Variants in AOX1 observed in about 807,000 individuals in gnomAD.
The protein encoded by AOX1 is aldehyde oxidase.
Under a neutral mutation model 169.5 loss-of-function variants are expected in AOX1, and 153 were observed. The ratio of observed to expected loss-of-function variants is 0.90; its 90% CI spans 0.79 to 1.03. AOX1 has a LOEUF of 1.03. AOX1 is among the 50% of genes least tolerant of loss of function. The probability of loss-of-function intolerance (pLI) is 0.00; values close to 1 mark genes in which losing one functional copy is unlikely to be tolerated. For synonymous variants in AOX1, 562 were observed against 581.9 expected (o/e 0.97, Z 0.49); for missense variants, 1,656 against 1,663.9 (o/e 1.00, Z 0.08).
At position 200,632,176 on chromosome 2, in the gene AOX1, C is replaced by G. The variant is rs535471203; in HGVS notation, c.2222-2615C>G. Among the ~76,000 whole-genome samples, 4 of 151,816 alleles carry G rather than the reference C, an allele frequency of 2.6e-5. No homozygotes were observed. The South Asian group carries it at 8.3e-4, about 32-fold the overall frequency. Reference sequence around the variant, plus strand: ...GTTCCCTCTGCTTTTTATTCTTTTCCCCACCTTCCTGTGGGTTGCCTGAAT... The same window carrying G: ...GTTCCCTCTGCTTTTTATTCTTTTCGCCACCTTCCTGTGGGTTGCCTGAAT... On this transcript the variant is annotated intron_variant, in intron 20 of 34. Transcript: ENST00000374700.
chr2:200,630,433 G>A (rs1438538547), intron 20 of AOX1, among the ~76,000 whole-genome samples: 1 of 151,814 alleles, frequency 6.6e-6, no homozygotes, highest in Non-Finnish European at 1.5e-5. Flanking sequence ...TGAGGCACCA[G>A]AATGGCTTGA....
chr2:200,613,987 TA>T, intron 15 of AOX1, 21 bp downstream of exon 15: 1 of 1,609,544 alleles, frequency 6.2e-7, no homozygotes, highest in South Asian at 1.1e-5. Context: ...GTTTACACAT[TA>T]ACTTCCCCAG....
downstream of AOX1, among the ~76,000 whole-genome samples, chr2:200,679,069 T>C (rs1382488083): frequency 1.3e-5 from 2 of 152,130 alleles, no homozygotes; most frequent in Non-Finnish European, 2.9e-5. Flanking sequence ...TTTAACAAGA[T>C]AGTTTGGAAA....
chr2:200,651,860 AACTT>A (rs562556335), intron 26 of AOX1, among the ~76,000 whole-genome samples: 40 of 152,300 alleles, frequency 2.6e-4, no homozygotes, highest in African/African-American at 8.4e-4. Flanking sequence ...GAATGAATAA[AACTT>A]ACCCCTAACG....
intron 25 of AOX1, among the ~76,000 whole-genome samples, chr2:200,644,245 G>A (rs1319863161): frequency 6.6e-6 from 1 of 152,156 alleles, no homozygotes; most frequent in Non-Finnish European, 1.5e-5. Context: ...TTTGTATAAG[G>A]TCAGAGATGA....
Position 200,671,163 on chromosome 2 carries a change from A to T in AOX1, c.*484A>T. On this transcript the variant is annotated 3_prime_UTR_variant, in exon 35 of 35. Transcript: ENST00000374700. Reference sequence around the variant, plus strand: ...ACACTGTATCTAAGTGGGACCAAAGAAAAAATAGCGAACTTTCACCAAAGT... The same window carrying T: ...ACACTGTATCTAAGTGGGACCAAAGTAAAAATAGCGAACTTTCACCAAAGT... 6.6e-6 allele frequency: 1 copy of T among 152,670 alleles called. No homozygotes were observed. Among genetic ancestry groups the T allele is most frequent in the Non-Finnish European group, 1.5e-5 (1 of 68,260 alleles). The allele number at this position is 152,670 out of a possible 1,614,324, so 9.5% of individuals were successfully genotyped here. A position where few individuals can be genotyped will look rare whatever the true frequency, so the allele number is the denominator to read the frequency against.
At chr2:200,669,461 A>AAAC in intron 33 of AOX1, 114 bp from the exon 34 acceptor site, 1 of 1,230,276 alleles carries the variant, frequency 8.1e-7, no homozygotes, top group Non-Finnish European at 1.1e-6. Flanking sequence ...AAAAAAAAAA[A>AAAC]AATGTACATA....
intron 9 of AOX1, 28 bp from the exon 10 acceptor site, chr2:200,605,508 T>C (rs866607614): frequency 9.0e-7 from 1 of 1,110,638 alleles, no homozygotes; most frequent in Middle Eastern, 2.4e-4. Context: ...CTAGTCTTAT[T>C]GATTTTTTTT....
rs13423540 is a variant in AOX1, at chr2:200,615,300, C to T, written c.1612-671C>T. 9.7e-3 allele frequency among the ~76,000 whole-genome samples: 1,477 copies of T among 152,310 alleles called. 31 individuals are homozygous for T. The highest frequency in any genetic ancestry group is 0.033 in the African/African-American group (1,371 of 41,562). On this transcript the variant is annotated intron_variant, in intron 15 of 34. Transcript: ENST00000374700. ...GGAATTACAGGCATGAGCCATGACA[C>T]CTAGCTGGTTTTATTTTCTATTAAA... is the stretch of plus-strand genomic sequence containing the variant.
intron 5 of AOX1, among the ~76,000 whole-genome samples, chr2:200,600,614 G>C (rs541575677): frequency 5.3e-5 from 8 of 152,182 alleles, no homozygotes; most frequent in Admixed American, 3.3e-4. Flanking sequence ...TTCTCTGCTA[G>C]AGAACATGAG....
intron 31 of AOX1, among the ~76,000 whole-genome samples, chr2:200,663,524 A>G (rs55712692): frequency 0.37 from 55,080 of 150,594 alleles, 10,255 homozygotes; most frequent in East Asian, 0.54. Flanking sequence ...TGCTCTGAAG[A>G]GATACACACA....
intron 3 of AOX1, among the ~76,000 whole-genome samples, chr2:200,596,118 G>C (rs4674211): frequency 0.84 from 128,652 of 152,262 alleles, 54,511 homozygotes; most frequent in East Asian, 0.9. Context: ...AATGTTAGAC[G>C]ATTTTACATC....
rs1457809552 is a variant in AOX1, at chr2:200,595,386, C to T, written c.200+18C>T. The T allele has an allele frequency of 1.3e-6, 2 of 1,577,700 alleles. No individual in the cohort carries two copies. The highest frequency in any genetic ancestry group is 1.8e-5 in the Admixed American group (1 of 56,532). Reference sequence around the variant, plus strand: ...AGGATAAGGTACCGTGCAGCAAAGTCCAGATATGGTTGAATTTTTATAATT... The same window carrying T: ...AGGATAAGGTACCGTGCAGCAAAGTTCAGATATGGTTGAATTTTTATAATT... On this transcript the variant is annotated intron_variant, in intron 3 of 34. Coordinates refer to ENST00000374700, the MANE Select transcript of AOX1 (RefSeq NM_001159.4).
intron 1 of AOX1, 58 bp downstream of exon 1, chr2:200,586,211 G>A: frequency 2.0e-6 from 3 of 1,484,958 alleles, no homozygotes; most frequent in Non-Finnish European, 2.7e-6. Flanking sequence ...GGGGCAGAGA[G>A]GAGCCCCTGC....
intron 10 of AOX1, 141 bp from the exon 11 acceptor site, chr2:200,608,843 T>C (rs2034569775): frequency 4.2e-6 from 3 of 709,086 alleles, no homozygotes; most frequent in Non-Finnish European, 4.7e-6. Flanking sequence ...ATCACCACCA[T>C]CACTGCCCAT....
intron 26 of AOX1, among the ~76,000 whole-genome samples, chr2:200,652,647 C>T (rs979657529): frequency 1.3e-5 from 2 of 152,196 alleles, no homozygotes; most frequent in Non-Finnish European, 2.9e-5. Flanking sequence ...AATCCTCTCA[C>T]GTTTGGCCGT....
Position 200,668,618 on chromosome 2 carries a change from G to A in AOX1, c.3613G>A (p.Glu1205Lys). 1 of 1,601,076 alleles carries A rather than the reference G, an allele frequency of 6.2e-7. No homozygotes were observed. The highest frequency in any genetic ancestry group is 1.3e-5 in the African/African-American group (1 of 74,394). ...TCTTTTTTTGTTCTTGCCTCAGATT[G>A]AAGGTGCATTTATTCAAGGCATGGG... ...INPAIDIGQI[E>K]GAFIQGMGLY... Residue 1205 changes from glutamate to lysine, a missense_variant, in exon 33 of 35, where the codon GAA becomes AAA. Transcript: ENST00000374700.
chr2:200,602,860 G>A (rs2034445159), intron 6 of AOX1, among the ~76,000 whole-genome samples: 2 of 151,792 alleles, frequency 1.3e-5, no homozygotes, highest in Non-Finnish European at 2.9e-5. Flanking sequence ...TTGAAATGAA[G>A]GATATAAGAT....
At chr2:200,595,553 T>A (rs182795639) in intron 3 of AOX1, among the ~76,000 whole-genome samples, 185 bp downstream of exon 3, 131 of 152,264 alleles carry the variant, frequency 8.6e-4, no homozygotes, top group African/African-American at 3.0e-3. Context: ...AAATGTAGCA[T>A]CAATGAGGAT....
Sources: allele counts gnomAD v4.1 joint callset (sites outside exome capture counted in the v4.1 genomes callset), GRCh38; gene constraint gnomAD v4.1.1; transcripts MANE v1.5; gene names NCBI Gene and HGNC (gene_info 2026-07-23, HGNC 2026-07-21).